The following GRIK2 variants were observed in gnomAD, a reference collection of about 807,000 sequenced individuals.
GRIK2 encodes glutamate receptor ionotropic, kainate 2.
A neutral mutation model predicts 100.3 loss-of-function variants in GRIK2; 32 were observed. The observed-to-expected ratio is 0.32, with a 90% CI of 0.24 to 0.43. GRIK2 has a LOEUF of 0.43. GRIK2 is among the 20% of genes least tolerant of loss of function. The pLI, the probability that GRIK2 is intolerant of heterozygous loss-of-function variation, is 1.00. For synonymous variants in GRIK2, 417 were observed against 389.4 expected (o/e 1.07, Z -0.83); for missense variants, 843 against 1,114.9 (o/e 0.76, Z 3.47).
At chr6:102,019,888 T>C (rs1769332782) in intron 14 of GRIK2, among the ~76,000 whole-genome samples, 1 of 151,998 alleles carries the variant, frequency 6.6e-6, no homozygotes, top group Non-Finnish European at 1.5e-5. Context: ...ATTTACTTAG[T>C]GTATTATGCT....
chr6:101,581,025 T>C (rs548417675), intron 2 of GRIK2, among the ~76,000 whole-genome samples: 12 of 152,184 alleles, frequency 7.9e-5, no homozygotes, highest in African/African-American at 2.2e-4. Context: ...TTTCCCCTGA[T>C]AGAATGTAAG....
chr6:101,838,715 G>A (rs1783306130), intron 10 of GRIK2, among the ~76,000 whole-genome samples: 1 of 150,052 alleles, frequency 6.7e-6, no homozygotes, highest in Admixed American at 6.6e-5. Flanking sequence ...GCAATGGTGC[G>A]ATCTCGGCTC....
intron 7 of GRIK2, among the ~76,000 whole-genome samples, chr6:101,691,861 G>T (rs1348148042): frequency 6.6e-6 from 1 of 151,876 alleles, no homozygotes; most frequent in Non-Finnish European, 1.5e-5. Context: ...CATCCACTAA[G>T]GTGACACAAG....
intron 2 of GRIK2, among the ~76,000 whole-genome samples, chr6:101,427,385 G>GTCTTCCC (rs1433962615): frequency 6.6e-6 from 1 of 152,138 alleles, no homozygotes; most frequent in Non-Finnish European, 1.5e-5. Context: ...TTACATATTT[G>GTCTTCCC]TCTTCCCTTT....
At chr6:101,422,442 A>G (rs1412788598) in intron 2 of GRIK2, among the ~76,000 whole-genome samples, 1 of 152,134 alleles carries the variant, frequency 6.6e-6, no homozygotes, top group Non-Finnish European at 1.5e-5. Context: ...ACATTACAGC[A>G]CTTAACAAAG....
intron 10 of GRIK2, among the ~76,000 whole-genome samples, chr6:101,844,862 C>T (rs1783715570): frequency 6.6e-6 from 1 of 152,134 alleles, no homozygotes; most frequent in Non-Finnish European, 1.5e-5. Flanking sequence ...TCATCATTTT[C>T]ACCAAAGTAT....
At chr6:101,764,586 T>G (rs1777929336) in intron 7 of GRIK2, among the ~76,000 whole-genome samples, 1 of 152,136 alleles carries the variant, frequency 6.6e-6, no homozygotes, top group Non-Finnish European at 1.5e-5. Flanking sequence ...ATGACCATCT[T>G]CCCTTTGGCC....
intron 2 of GRIK2, among the ~76,000 whole-genome samples, chr6:101,469,882 T>C (rs1004617206): frequency 6.6e-6 from 1 of 152,194 alleles, no homozygotes; most frequent in African/African-American, 2.4e-5. Context: ...CTTCAAGACT[T>C]GGGTCCTCTC....
chr6:101,592,752 G>A (rs962082521), intron 2 of GRIK2, among the ~76,000 whole-genome samples: 2 of 150,940 alleles, frequency 1.3e-5, no homozygotes, highest in Admixed American at 1.3e-4. Flanking sequence ...GACTTTGGGG[G>A]GTTTGGGTGT....
chr6:101,791,965 C>T (rs985985812), intron 7 of GRIK2, among the ~76,000 whole-genome samples: 1 of 151,858 alleles, frequency 6.6e-6, no homozygotes, highest in African/African-American at 2.4e-5. Flanking sequence ...TATGTAATGG[C>T]CTTCTTTGTC....
At chr6:101,602,491 C>G (rs1779264316) in intron 2 of GRIK2, among the ~76,000 whole-genome samples, 1 of 150,802 alleles carries the variant, frequency 6.6e-6, no homozygotes, top group Non-Finnish European at 1.5e-5. Flanking sequence ...GAAATTATTT[C>G]ATTATTTCTT....
chr6:101,673,951 T>TA (rs763270985), intron 4 of GRIK2, among the ~76,000 whole-genome samples: 32 of 152,310 alleles, frequency 2.1e-4, no homozygotes, highest in Non-Finnish European at 2.4e-4. Flanking sequence ...ATGTTGGACT[T>TA]ACAGTAAGAA....
intron 14 of GRIK2, among the ~76,000 whole-genome samples, chr6:102,026,126 A>G (rs1269529433): frequency 1.5e-5 from 1 of 67,088 alleles, no homozygotes; most frequent in Non-Finnish European, 3.7e-5. Flanking sequence ...ATATATATAT[A>G]TATATATATA....
rs1349380614 is a variant in GRIK2 at position 101,860,783 on chromosome 6, T to C, written c.1524+1290T>C. The C allele has an allele frequency of 1.9e-5, 3 of 158,772 alleles. No homozygotes were observed. In the East Asian group the frequency reaches 5.7e-4, roughly 30 times the overall value. 9.8% of individuals were successfully genotyped at this position (158,772 alleles called of 1,614,324 possible). A position where few individuals can be genotyped will look rare whatever the true frequency, so the allele number is the denominator to read the frequency against. On this transcript the variant is annotated intron_variant, in intron 11 of 16. Coordinates refer to ENST00000369134, the MANE Select transcript of GRIK2 (RefSeq NM_021956.5). ...GAGGTTGGTGTATAATGAGGCCTCCTGTCATGGCTGAGAATACAGTTTTCA... is the reference window on the plus strand; with the variant it reads ...GAGGTTGGTGTATAATGAGGCCTCCCGTCATGGCTGAGAATACAGTTTTCA...
rs1232088 is a variant in GRIK2, at chr6:101,622,559, C to T, written c.283+443C>T. Among the ~76,000 whole-genome samples, 289 of 152,038 alleles carry T rather than the reference C, an allele frequency of 1.9e-3. 2 individuals are homozygous for T. The highest frequency in any genetic ancestry group is 6.9e-3 in the African/African-American group (285 of 41,512). On this transcript the variant is annotated intron_variant, in intron 3 of 16. Transcript: ENST00000369134. ...GTTCTAAGTGACTTCAAAATGTCAG[C>T]ATATATTGAAACTTAATTGGAAAAT...
At chr6:101,786,204 GGA>G (rs2128404542) in intron 7 of GRIK2, among the ~76,000 whole-genome samples, 2 of 151,762 alleles carry the variant, frequency 1.3e-5, no homozygotes, top group South Asian at 2.1e-4. Context: ...AGTTTTTGGT[GGA>G]GTCTTTAGGT....
chr6:101,604,136 G>A (rs1779344476), intron 2 of GRIK2, among the ~76,000 whole-genome samples: 1 of 151,548 alleles, frequency 6.6e-6, no homozygotes, highest in Admixed American at 6.6e-5. Flanking sequence ...TCTTTGTTAG[G>A]AGTAGAAAAG....
chr6:102,069,600 A>G lies in GRIK2; in HGVS notation c.*1089A>G, dbSNP rs923241681. 3 of 151,944 alleles carry G rather than the reference A, an allele frequency of 2.0e-5. No homozygotes were observed. Among genetic ancestry groups the G allele is most frequent in the African/African-American group, 7.2e-5 (3 of 41,410 alleles). The allele number at this position is 151,944 out of a possible 1,614,324, so 9.4% of individuals were successfully genotyped here. A position where few individuals can be genotyped will look rare whatever the true frequency, so the allele number is the denominator to read the frequency against. On this transcript the variant is annotated 3_prime_UTR_variant, in exon 17 of 17. Coordinates refer to ENST00000369134, the MANE Select transcript of GRIK2 (RefSeq NM_021956.5). ...GTGGACTGCGTTTATCAATACAGTC[A>G]CAATGTTAAATGAACAAAATTCTTG...
intron 2 of GRIK2, among the ~76,000 whole-genome samples, chr6:101,402,028 A>G (rs1775337624): frequency 6.6e-6 from 1 of 151,910 alleles, no homozygotes; most frequent in Non-Finnish European, 1.5e-5. Flanking sequence ...CTTCCCCGCT[A>G]GTTAAGGCTC....
Sources: gnomAD v4.1 joint callset for allele counts (sites outside exome capture counted in the v4.1 genomes callset) on GRCh38, gnomAD v4.1.1 for gene constraint, MANE v1.5 for transcripts, NCBI Gene and HGNC (gene_info 2026-07-23, HGNC 2026-07-21) for gene names.